The following DCC variants were observed in gnomAD, a reference collection of about 807,000 sequenced individuals.
DCC encodes the protein netrin receptor DCC.
In DCC, 58 loss-of-function variants were observed where a neutral mutation model predicts 172.5. That is an observed-to-expected ratio of 0.34 (90% CI 0.27 to 0.42). The LOEUF (loss-of-function observed/expected upper bound fraction) is 0.42. Ranked by LOEUF, DCC falls within the 10% of genes least tolerant of loss-of-function variation. The pLI is 1.00. For missense variants in DCC, 1,740 were observed against 1,791.0 expected (o/e 0.97, Z 0.51); for synonymous variants, 709 against 644.5 (o/e 1.10, Z -1.52).
chr18:53,480,524 T>G (rs891690574), intron 25 of DCC, among the ~76,000 whole-genome samples: 5 of 152,226 alleles, frequency 3.3e-5, no homozygotes, highest in Admixed American at 3.3e-4. Context: ...TGCATAGCAC[T>G]CTTTTTTTCA....
At chr18:52,710,565 G>A (rs1427783325) in intron 1 of DCC, among the ~76,000 whole-genome samples, 3 of 152,172 alleles carry the variant, frequency 2.0e-5, no homozygotes, top group Non-Finnish European at 4.4e-5. Context: ...ATGAGGGGAA[G>A]ACACCAAAAT....
intron 2 of DCC, among the ~76,000 whole-genome samples, chr18:52,802,736 G>C (rs1408990143): frequency 2.2e-5 from 3 of 134,126 alleles, no homozygotes; most frequent in Admixed American, 1.7e-4. Context: ...GAACTCCTGG[G>C]CTGAAGTCAT....
intron 12 of DCC, among the ~76,000 whole-genome samples, chr18:53,232,189 C>A (rs1264613109): frequency 6.6e-6 from 1 of 152,124 alleles, no homozygotes; most frequent in Non-Finnish European, 1.5e-5. Flanking sequence ...GGGCCCCCCT[C>A]CCCCTTCTCT....
rs370074405 is a variant in DCC, at chr18:53,384,413, T to C, written c.2360-1630T>C. ...GCAGATTTTTTATTTAGTGATTCTGTTTTTATTTTCCTTTGGATTTTCCTC... is the reference window on the plus strand; with the variant it reads ...GCAGATTTTTTATTTAGTGATTCTGCTTTTATTTTCCTTTGGATTTTCCTC... On this transcript the variant is annotated intron_variant, in intron 15 of 28. Transcript: ENST00000442544. Among the ~76,000 whole-genome samples the C allele has an allele frequency of 1.7e-4, 26 of 152,252 alleles. No individual in the cohort carries two copies. The East Asian group carries it at 4.6e-3, about 27-fold the overall frequency.
chr18:52,930,867 T>TA (rs2040297220), intron 5 of DCC, among the ~76,000 whole-genome samples: 1 of 152,154 alleles, frequency 6.6e-6, no homozygotes, highest in South Asian at 2.1e-4. Flanking sequence ...GCATTGTCAT[T>TA]AGACTTACAT....
chr18:53,486,178 A>G (rs954543450), intron 25 of DCC, among the ~76,000 whole-genome samples: 3 of 152,166 alleles, frequency 2.0e-5, no homozygotes, highest in African/African-American at 7.2e-5. Flanking sequence ...TGTGGGTTTC[A>G]GCCACTGTAA....
intron 1 of DCC, among the ~76,000 whole-genome samples, chr18:52,701,989 A>G (rs1288771720): frequency 1.3e-5 from 2 of 152,106 alleles, no homozygotes; most frequent in African/African-American, 4.8e-5. Flanking sequence ...TAATTGTCCT[A>G]TGCATCTCTT....
chr18:53,145,105 CTTTTTTTTTT>C (rs57501246), intron 7 of DCC, among the ~76,000 whole-genome samples: 1 of 36,908 alleles, frequency 2.7e-5, no homozygotes, highest in African/African-American at 1.2e-4. Flanking sequence ...GAGGGCTCTG[CTTTTTTTTTT>C]TTTTTTTTTT....
intron 1 of DCC, among the ~76,000 whole-genome samples, chr18:52,630,806 T>C (rs1352549850): frequency 2.1e-4 from 32 of 152,228 alleles, no homozygotes; most frequent in Admixed American, 2.1e-3. Flanking sequence ...CTTTGATTCA[T>C]GTGGGCCTAC....
rs2056743465 is a variant in DCC at position 53,271,127 on chromosome 18, C to A, written c.1912-34451C>A. On this transcript the variant is annotated intron_variant, in intron 12 of 28. Transcript: ENST00000442544. ...CAAGGGTAAGGTTAAACCCACATAT[C>A]AGCCTATATAATACTAGAGTGTTTT... Among the ~76,000 whole-genome samples the A allele has an allele frequency of 5.3e-5, 8 of 152,248 alleles. No homozygotes were observed. In the South Asian group the frequency reaches 1.7e-3, roughly 32 times the overall value.
intron 13 of DCC, among the ~76,000 whole-genome samples, chr18:53,307,964 G>C (rs2057222987): frequency 1.6e-5 from 2 of 125,304 alleles, no homozygotes; most frequent in South Asian, 5.4e-4. Context: ...TTTTATACGA[G>C]GTATATACAT....
At chr18:52,920,080 C>T (rs1259794563) in intron 3 of DCC, among the ~76,000 whole-genome samples, 2 of 148,678 alleles carry the variant, frequency 1.3e-5, no homozygotes, top group Non-Finnish European at 3.0e-5. Context: ...CAAAATGGAC[C>T]GTAAACCTAA....
chr18:53,368,823 C>A (rs751772567), intron 15 of DCC, among the ~76,000 whole-genome samples: 2 of 152,014 alleles, frequency 1.3e-5, no homozygotes, highest in African/African-American at 4.8e-5. Context: ...GCTAGTACCA[C>A]ACTATTTTGA....
intron 7 of DCC, among the ~76,000 whole-genome samples, chr18:53,148,828 C>A (rs1396590885): frequency 6.7e-6 from 1 of 149,612 alleles, no homozygotes; most frequent in Non-Finnish European, 1.5e-5. Flanking sequence ...CTTACTTGAT[C>A]TACCAGACTC....
chr18:52,903,317 A>C (rs1471742297), intron 2 of DCC, among the ~76,000 whole-genome samples: 1 of 152,030 alleles, frequency 6.6e-6, no homozygotes, highest in East Asian at 1.9e-4. Context: ...TGATCCTCCC[A>C]CCTCAGCCTC....
chr18:52,500,712 C>A (rs2030984779), intron 1 of DCC, among the ~76,000 whole-genome samples: 1 of 152,050 alleles, frequency 6.6e-6, no homozygotes. Context: ...TAGAGCTCTG[C>A]AAAGCTTTTT....
intron 7 of DCC, among the ~76,000 whole-genome samples, chr18:53,136,399 C>A (rs1446440855): frequency 6.6e-6 from 1 of 151,912 alleles, no homozygotes; most frequent in Admixed American, 6.6e-5. Flanking sequence ...GGTTACTATA[C>A]CAAAAGGGAG....
chr18:52,557,800 C>T (rs1398199536), intron 1 of DCC, among the ~76,000 whole-genome samples: 1 of 152,156 alleles, frequency 6.6e-6, no homozygotes, highest in Non-Finnish European at 1.5e-5. Context: ...GCTGGGATTA[C>T]AGGCATCCAC....
chr18:53,192,891 C>T (rs903994942), intron 9 of DCC, among the ~76,000 whole-genome samples: 1 of 152,156 alleles, frequency 6.6e-6, no homozygotes, highest in Non-Finnish European at 1.5e-5. Context: ...TGAACAACAC[C>T]AGAATCACCT....
Sources: gnomAD v4.1 joint callset for allele counts (sites outside exome capture counted in the v4.1 genomes callset) on GRCh38, gnomAD v4.1.1 for gene constraint, MANE v1.5 for transcripts, NCBI Gene and HGNC (gene_info 2026-07-23, HGNC 2026-07-21) for gene names.